The following KANK2 variants were observed in gnomAD, a reference collection of about 807,000 sequenced individuals.
KANK2 encodes KN motif and ankyrin repeat domain-containing protein 2.
In KANK2, 41 loss-of-function variants were observed where a neutral mutation model predicts 74.6. The observed-to-expected ratio is 0.55, with a 90% CI of 0.43 to 0.71. The LOEUF is 0.71. KANK2 is among the 30% of genes least tolerant of loss of function. The pLI, the probability that KANK2 is intolerant of heterozygous loss-of-function variation, is 0.00. For synonymous variants in KANK2, 537 were observed against 519.0 expected (o/e 1.03, Z -0.47); for missense variants, 1,148 against 1,196.4 (o/e 0.96, Z 0.60).
At chr19:11,194,452 C>G (rs747360172) in intron 3 of KANK2, 23 bp downstream of exon 3, 5 of 1,602,568 alleles carry the variant, frequency 3.1e-6, no homozygotes, top group Non-Finnish European at 4.3e-6. Flanking sequence ...CGGGGCAGGG[C>G]CCTCTTCCCT....
At chr19:11,183,911 G>T (rs926651667) in intron 4 of KANK2, among the ~76,000 whole-genome samples, 2 of 151,932 alleles carry the variant, frequency 1.3e-5, no homozygotes, top group Non-Finnish European at 2.9e-5. Flanking sequence ...GTAGAGATGG[G>T]GGTCTTACTA....
At position 11,169,864 on chromosome 19, in the gene KANK2, G is replaced by T; in HGVS notation, c.2502+13C>A. 2 of 1,610,450 alleles carry T rather than the reference G, an allele frequency of 1.2e-6. No homozygotes were observed. The highest frequency in any genetic ancestry group is 1.7e-6 in the Non-Finnish European group (2 of 1,176,748). ...CACCCATCCCGTGCCTACCCGGCCG[G>T]ATTGAGACTCACCGAGCACTTGATG... On this transcript the variant is annotated intron_variant, in intron 12 of 12. Transcript: ENST00000586659.
intron 5 of KANK2, 36 bp downstream of exon 5, chr19:11,178,517 G>A (rs372248642): frequency 1.1e-5 from 18 of 1,602,750 alleles, no homozygotes; most frequent in Non-Finnish European, 1.4e-5. Flanking sequence ...CGCCATCCCG[G>A]TGCCCCGTCC....
At chr19:11,187,922 G>A (rs536188711) in intron 4 of KANK2, among the ~76,000 whole-genome samples, 18 of 152,068 alleles carry the variant, frequency 1.2e-4, no homozygotes, top group East Asian at 3.9e-4. Context: ...ACCTCATCTG[G>A]CAACATAGTG....
intron 4 of KANK2, among the ~76,000 whole-genome samples, chr19:11,179,782 C>T (rs997476856): frequency 3.9e-5 from 6 of 152,180 alleles, no homozygotes; most frequent in African/African-American, 1.4e-4. Flanking sequence ...GACTGCCAGC[C>T]AACAGCGTGG....
chr19:11,184,383 A>G (rs1314359880), intron 4 of KANK2, among the ~76,000 whole-genome samples: 1 of 149,966 alleles, frequency 6.7e-6, no homozygotes, highest in Non-Finnish European at 1.5e-5. Context: ...CTCAAAAACA[A>G]AAACAAAAAC....
chr19:11,192,431 CTTTTTTTT>C lies in KANK2; in HGVS notation c.1249+392_1249+399del, dbSNP rs34285924. 6.9e-4 allele frequency: 111 copies of C among 159,942 alleles called. 1 individual carries two copies. Among genetic ancestry groups the C allele is most frequent in the Non-Finnish European group, 7.1e-4 (62 of 87,450 alleles). The allele number at this position is 159,942 out of a possible 1,614,324, so 9.9% of individuals were successfully genotyped here. A position where few individuals can be genotyped will look rare whatever the true frequency, so the allele number is the denominator to read the frequency against. On this transcript the variant is annotated intron_variant, in intron 4 of 12. Coordinates refer to ENST00000586659, the MANE Select transcript of KANK2 (RefSeq NM_001136191.3). ...GGGGCTGGGGCTGGACCTTGGCATT[CTTTTTTTT>C]TTTTTTTTTTTTTGAGACAGAGTCT... is the stretch of plus-strand genomic sequence containing the variant.
Position 11,175,938 on chromosome 19 carries a change from G to T in KANK2, c.1812C>A (p.Tyr604Ter). Residue 604 changes from tyrosine to a stop codon, truncating the protein, a stop_gained, in exon 8 of 13, where the codon TAC (tyrosine) becomes TAA (stop). Transcript: ENST00000586659. LOFTEE classifies it high-confidence loss of function. ...CTGTGAGGGCGTTGGGATTGTCCAG[G>T]TACTTTTCCAGGGCCAAGCAGGCTG... ...LISACLALEK[Y>*]LDNPNALTER... The T allele has an allele frequency of 6.2e-7, 1 of 1,613,934 alleles. No homozygotes were observed. Among genetic ancestry groups the T allele is most frequent in the South Asian group, 1.1e-5 (1 of 91,004 alleles).
chr19:11,194,112 T>C, intron 3 of KANK2, 70 bp from the exon 4 acceptor site: 1 of 1,472,486 alleles, frequency 6.8e-7, no homozygotes, highest in Admixed American at 2.4e-5. Context: ...GACTGATGCC[T>C]GGGGAGAGTT....
At chr19:11,196,611 G>A (rs1460880430) in intron 1 of KANK2, 1 of 152,158 alleles carries the variant, frequency 6.6e-6, no homozygotes, top group Admixed American at 6.6e-5. Context: ...TGAGGTCTGA[G>A]GGTACTCAGT....
chr19:11,194,569 T>A lies in KANK2; in HGVS notation c.-58A>T. On this transcript the variant is annotated 5_prime_UTR_variant, in exon 3 of 13. Transcript: ENST00000586659. ...TTGAGGGACTGCGAGTCAGACTGCC[T>A]GCAGCACCGGCTGAGGCTTACCTGG... The A allele has an allele frequency of 7.1e-7, 1 of 1,407,268 alleles. No individual in the cohort carries two copies. Among genetic ancestry groups the A allele is most frequent in the South Asian group, 1.2e-5 (1 of 86,876 alleles). 87.2% of individuals were successfully genotyped at this position (1,407,268 alleles called of 1,614,324 possible).
chr19:11,179,926 T>C (rs1200306834), intron 4 of KANK2, among the ~76,000 whole-genome samples: 1 of 152,220 alleles, frequency 6.6e-6, no homozygotes, highest in Non-Finnish European at 1.5e-5. Flanking sequence ...AGAGATGCGA[T>C]CTTGGCTCAC....
At chr19:11,173,983 G>T (rs562225950) in intron 9 of KANK2, among the ~76,000 whole-genome samples, 71 of 152,000 alleles carry the variant, frequency 4.7e-4, no homozygotes, top group African/African-American at 1.7e-3. Flanking sequence ...CATCAGCCTG[G>T]GAGGGTGGTG....
intron 1 of KANK2, chr19:11,197,041 GGCCCAGCCCGGCCGGAC>G (rs932832950): frequency 6.6e-6 from 1 of 152,452 alleles, no homozygotes; most frequent in Non-Finnish European, 1.5e-5. Context: ...GCCAAGCCCA[GGCCCAGCCCGGCCGGAC>G]GCCCGGCCGC....
Position 11,169,880 on chromosome 19 carries a change from G to A in KANK2, c.2499C>T (p.Cys833=), listed in dbSNP as rs143353680. The part of the protein sequence containing the change: ...SMLYSRMNIK[C]SFAPMSDDES... ...ACCCGGCCGGATTGAGACTCACCGA[G>A]CACTTGATGTTCATGCGGGAATACA... Residue 833 remains cysteine, a synonymous_variant, in exon 12 of 13, where the codon TGC becomes TGT. Transcript: ENST00000586659. 1.9e-6 allele frequency: 3 copies of A among 1,613,184 alleles called. No homozygotes were observed. The highest frequency in any genetic ancestry group is 1.3e-5 in the African/African-American group (1 of 74,894).
At chr19:11,191,743 C>G (rs1352323079) in intron 4 of KANK2, among the ~76,000 whole-genome samples, 1 of 152,176 alleles carries the variant, frequency 6.6e-6, no homozygotes, top group African/African-American at 2.4e-5. Context: ...GAGAAAGGCA[C>G]CAAGTTAGAT....
At chr19:11,191,066 A>G (rs905541471) in intron 4 of KANK2, among the ~76,000 whole-genome samples, 1 of 149,144 alleles carries the variant, frequency 6.7e-6, no homozygotes, top group Non-Finnish European at 1.5e-5. Context: ...TTTGAGATAC[A>G]GTTTCACTCT....
rs370150574 is a variant in KANK2, at chr19:11,192,843, C to G, written c.1237G>C (p.Asp413His). 1.3e-6 allele frequency: 2 copies of G among 1,591,520 alleles called. No individual in the cohort carries two copies. The highest frequency in any genetic ancestry group is 1.7e-6 in the Non-Finnish European group (2 of 1,168,018). ...KKISITERSC[D>H]GAAGLPEVPA... is the part of the protein sequence containing the mutation. ...TGCGACCGCTTACCTGCTGCTCCAT[C>G]GCAGCTTCGCTCTGTGATGCTAATC... Residue 413 changes from aspartate to histidine, a missense_variant, in exon 4 of 13, where the codon GAT (aspartate) becomes CAT (histidine). Physicochemically the swap from Asp to His is moderately conservative, Grantham distance 81. Coordinates refer to ENST00000586659, the MANE Select transcript of KANK2 (RefSeq NM_001136191.3).
chr19:11,180,015 T>C (rs542684281), intron 4 of KANK2, among the ~76,000 whole-genome samples: 1 of 152,342 alleles, frequency 6.6e-6, no homozygotes, highest in South Asian at 2.1e-4. Flanking sequence ...CGCATGCCAC[T>C]GTGCCCAGCT....
Sources: gnomAD v4.1 joint callset for allele counts (sites outside exome capture counted in the v4.1 genomes callset) on GRCh38, gnomAD v4.1.1 for gene constraint, MANE v1.5 for transcripts, NCBI Gene and HGNC (gene_info 2026-07-23, HGNC 2026-07-21) for gene names.